The following CWC27 variants were observed in gnomAD, a reference collection of about 807,000 sequenced individuals.
CWC27 encodes the protein CWC27 spliceosome associated cyclophilin, also known as spliceosome-associated protein CWC27 homolog.
A neutral mutation model predicts 63.6 loss-of-function variants in CWC27; 47 were observed. The observed-to-expected ratio is 0.74, with a 90% confidence interval of 0.58 to 0.94. CWC27 has a LOEUF of 0.94. Among genes scored for constraint, CWC27 ranks in the 40% least tolerant of loss-of-function variants. The pLI is 0.00. For synonymous variants in CWC27, 175 were observed against 179.8 expected, an observed-to-expected ratio of 0.97 and a Z score of 0.22; for missense variants, 495 against 554.3, an observed-to-expected ratio of 0.89 and a Z score of 1.07.
chr5:64,837,030 C>T (rs1207927075), intron 10 of CWC27, among the ~76,000 whole-genome samples: 1 of 152,036 alleles, frequency 6.6e-6, no homozygotes, highest in East Asian at 1.9e-4. Context: ...CCACTTCATA[C>T]CCACCAAATG....
Position 64,926,806 on chromosome 5 carries a change from G to C in CWC27, c.1042+41260G>C, listed in dbSNP as rs73107280. Among the ~76,000 whole-genome samples the C allele has an allele frequency of 6.7e-3, 1,021 of 152,204 alleles. 9 individuals are homozygous for C. Among genetic ancestry groups the C allele is most frequent in the African/African-American group, 0.023 (965 of 41,524 alleles). On this transcript the variant is annotated intron_variant, in intron 11 of 13. Transcript: ENST00000381070. The stretch of plus-strand genomic sequence containing the variant: ...TTTAACTTTCCTACTATGAGCAGGT[G>C]GGTTCCTTTAGTTTGCCCTGAAAAT...
At chr5:64,857,696 C>T (rs1347976066) in intron 10 of CWC27, among the ~76,000 whole-genome samples, 2 of 152,096 alleles carry the variant, frequency 1.3e-5, no homozygotes, top group African/African-American at 2.4e-5. Flanking sequence ...AAAAACTCAT[C>T]GTTGGCCTCA....
chr5:64,875,878 A>G (rs1039057421), intron 10 of CWC27, among the ~76,000 whole-genome samples: 4 of 152,098 alleles, frequency 2.6e-5, no homozygotes, highest in Non-Finnish European at 1.5e-5. Flanking sequence ...TAATAAGAGA[A>G]GCAAATTTCT....
chr5:64,986,459 A>G (rs756654928), intron 13 of CWC27, among the ~76,000 whole-genome samples: 11 of 152,166 alleles, frequency 7.2e-5, no homozygotes, highest in Non-Finnish European at 1.6e-4. Context: ...GGATATTTGA[A>G]TCTATGCTCT....
intron 11 of CWC27, among the ~76,000 whole-genome samples, chr5:64,962,626 T>A (rs892816723): frequency 2.0e-5 from 3 of 152,190 alleles, no homozygotes; most frequent in African/African-American, 7.2e-5. Context: ...CTACCAGGCA[T>A]AAATATAAAG....
rs954552642 is a variant in CWC27 at position 64,854,844 on chromosome 5, AT to A, written c.939-30590del. Among the ~76,000 whole-genome samples, 8 of 151,658 alleles carry A rather than the reference AT, an allele frequency of 5.3e-5. No individual in the cohort carries two copies. The South Asian group carries it at 6.3e-4, about 12-fold the overall frequency. On this transcript the variant is annotated intron_variant, in intron 10 of 13. Transcript: ENST00000381070. ...TCTGCTTCTCTCCTTGATTCTAGGA[AT>A]TTTTTTTTAATAACACTTGGGAAAG...
intron 11 of CWC27, among the ~76,000 whole-genome samples, chr5:64,906,318 C>T (rs550309958): frequency 7.9e-5 from 12 of 152,320 alleles, no homozygotes; most frequent in African/African-American, 2.9e-4. Flanking sequence ...TCTCCACATC[C>T]TTTCCAATAT....
chr5:64,905,368 G>A (rs1365833112), intron 11 of CWC27, among the ~76,000 whole-genome samples: 1 of 151,944 alleles, frequency 6.6e-6, no homozygotes, highest in East Asian at 1.9e-4. Context: ...CCACTTTTCT[G>A]GCTTCTGGTC....
intron 11 of CWC27, among the ~76,000 whole-genome samples, chr5:64,933,003 A>T (rs1041928910): frequency 6.6e-6 from 1 of 152,188 alleles, no homozygotes; most frequent in Admixed American, 6.5e-5. Flanking sequence ...TAAGTGTAAA[A>T]TTATCTAATC....
intron 11 of CWC27, among the ~76,000 whole-genome samples, chr5:64,951,628 G>C (rs1301369659): frequency 6.6e-6 from 1 of 151,774 alleles, no homozygotes; most frequent in African/African-American, 2.4e-5. Context: ...TTACCCTTTA[G>C]CTATCACCTG....
chr5:64,804,461 C>T, intron 10 of CWC27, 75 bp downstream of exon 10: 1 of 1,345,846 alleles, frequency 7.4e-7, no homozygotes, highest in Non-Finnish European at 9.9e-7. Context: ...TGAATCCTCT[C>T]TTCAGCTAAT....
At chr5:64,984,572 C>G (rs1213391835) in intron 13 of CWC27, among the ~76,000 whole-genome samples, 3 of 152,128 alleles carry the variant, frequency 2.0e-5, no homozygotes, top group Non-Finnish European at 4.4e-5. Flanking sequence ...TTAATCTGTC[C>G]CGTACTTGCT....
At chr5:64,885,586 C>T (rs1420421841) in intron 11 of CWC27, 40 bp downstream of exon 11, 3 of 1,424,294 alleles carry the variant, frequency 2.1e-6, no homozygotes, top group Admixed American at 3.9e-5. Flanking sequence ...ACTTGATACT[C>T]CTCCTTCTCT....
intron 11 of CWC27, among the ~76,000 whole-genome samples, chr5:64,912,023 G>T (rs1364337427): frequency 6.8e-6 from 1 of 147,548 alleles, no homozygotes; most frequent in Non-Finnish European, 1.5e-5. Context: ...GCAGTGAGCC[G>T]AGATCGTGCC....
At chr5:65,003,755 G>A (rs747622207) in intron 13 of CWC27, among the ~76,000 whole-genome samples, 1 of 152,080 alleles carries the variant, frequency 6.6e-6, no homozygotes, top group Non-Finnish European at 1.5e-5. Context: ...CGTTGCTGCT[G>A]AGAAATCTGC....
At chr5:64,861,534 C>T (rs777672183) in intron 10 of CWC27, among the ~76,000 whole-genome samples, 1 of 152,162 alleles carries the variant, frequency 6.6e-6, no homozygotes, top group Non-Finnish European at 1.5e-5. Context: ...ATGCTTAGCA[C>T]ACTTCTGTGT....
intron 10 of CWC27, among the ~76,000 whole-genome samples, chr5:64,857,474 A>G (rs1472148025): frequency 6.6e-6 from 1 of 152,264 alleles, no homozygotes; most frequent in Non-Finnish European, 1.5e-5. Context: ...CATATCGAGT[A>G]GGCACCTATT....
chr5:64,828,159 A>C (rs1488200084), intron 10 of CWC27, among the ~76,000 whole-genome samples: 1 of 152,050 alleles, frequency 6.6e-6, no homozygotes, highest in Non-Finnish European at 1.5e-5. Context: ...GAATGCGTTC[A>C]TTTTACTATG....
At chr5:64,782,484 T>TAAATAAATA (rs1561403491) in intron 3 of CWC27, among the ~76,000 whole-genome samples, 3 of 36,768 alleles carry the variant, frequency 8.2e-5, no homozygotes, top group African/African-American at 2.3e-4. Context: ...ATAAATAAAT[T>TAAATAAATA]GTCTGTAAAA....
Sources: gnomAD v4.1 joint callset for allele counts (sites outside exome capture counted in the v4.1 genomes callset) on GRCh38, gnomAD v4.1.1 for gene constraint, MANE v1.5 for transcripts, NCBI Gene and HGNC (gene_info 2026-07-23, HGNC 2026-07-21) for gene names.